Variants in CTCF observed in about 807,000 individuals in gnomAD.
CTCF encodes CCCTC-binding factor.
CTCF carries 7 observed loss-of-function variants against 72.3 expected under a neutral mutation model. The ratio of observed to expected loss-of-function variants is 0.10; its 90% CI spans 0.06 to 0.18. The LOEUF is 0.18. Among genes scored for constraint, CTCF ranks in the 10% least tolerant of loss-of-function variants. The probability of loss-of-function intolerance (pLI) is 1.00; values close to 1 mark genes in which losing one functional copy is unlikely to be tolerated. For synonymous variants in CTCF, 374 were observed against 315.8 expected, an observed-to-expected ratio of 1.18 and a Z score of -1.95; for missense variants, 516 against 949.1, an observed-to-expected ratio of 0.54 and a Z score of 6.00.
Position 67,628,295 on chromosome 16 carries a change from A to G in CTCF, c.1519-75A>G, listed in dbSNP as rs1182658806. ...CTTGGGTGAGAAATACCTGTTGGCC[A>G]CATGCATGCAGGTGGCAGCTGGGGC... On this transcript the variant is annotated intron_variant, in intron 8 of 11. Transcript: ENST00000264010. The G allele has an allele frequency of 2.9e-6, 4 of 1,392,586 alleles. No individual in the cohort carries two copies. The African/African-American group carries it at 4.3e-5, about 15-fold the overall frequency. 86.3% of individuals were successfully genotyped at this position (1,392,586 alleles called of 1,614,324 possible).
intron 4 of CTCF, chr16:67,612,453 G>C (rs1483726396): frequency 5.5e-6 from 1 of 182,476 alleles, no homozygotes; most frequent in African/African-American, 2.4e-5. Context: ...AGCTGGGTGT[G>C]GTGGTGGGCG....
rs749116676 is a variant in CTCF at position 67,628,510 on chromosome 16, G to C, written c.1659G>C (p.Ala553=). The change falls in exon 9 of 12, where the codon GCG becomes GCC. Residue 553 remains alanine, a synonymous_variant. Coordinates refer to ENST00000264010, the MANE Select transcript of CTCF (RefSeq NM_006565.4). ...ATCACGACCCCAACTTCGTCCCTGC[G>C]GCTTTTGTCTGTTCTAAGTGTGGGA... ...KRYHDPNFVP[A]AFVCSKCGKT... 1.2e-6 allele frequency: 2 copies of C among 1,614,100 alleles called. No individual in the cohort carries two copies. The highest frequency in any genetic ancestry group is 2.2e-5 in the South Asian group (2 of 91,092).
chr16:67,614,841 C>CG (rs1374321782), intron 4 of CTCF: 2 of 151,738 alleles, frequency 1.3e-5, no homozygotes, highest in East Asian at 2.0e-4. Flanking sequence ...GAGCAAAACT[C>CG]GGTCTCAAGA....
Position 67,612,025 on chromosome 16 carries a change from A to G in CTCF, c.856A>G (p.Lys286Glu). Residue 286 changes from lysine to glutamate, a missense_variant, in exon 4 of 12, where the codon AAA becomes GAA. By Grantham distance (56) the Lys-to-Glu change is moderately conservative. Coordinates refer to ENST00000264010, the MANE Select transcript of CTCF (RefSeq NM_006565.4). The part of the protein sequence containing the change: ...PRRSNLDRHM[K>E]SHTDERPHKC... ...GCGTTCAAATTTGGATCGTCACATG[A>G]AAAGCCACACTGATGAGAGACCACA... The G allele has an allele frequency of 6.2e-7, 1 of 1,614,164 alleles. No individual in the cohort carries two copies. The highest frequency in any genetic ancestry group is 2.2e-5 in the East Asian group (1 of 44,888).
chr16:67,564,987 T>C (rs924492847), intron 1 of CTCF, among the ~76,000 whole-genome samples: 5 of 152,120 alleles, frequency 3.3e-5, no homozygotes, highest in African/African-American at 7.2e-5. Flanking sequence ...TGAATTGATA[T>C]GTTAGGGTAA....
intron 6 of CTCF, 196 bp downstream of exon 6, chr16:67,621,013 G>A (rs543225056): frequency 2.2e-6 from 1 of 444,512 alleles, no homozygotes; most frequent in East Asian, 3.4e-5. Flanking sequence ...AGTACCTTTT[G>A]TTTTGTTCAA....
At chr16:67,633,781 G>GAC (rs10587869) in intron 10 of CTCF, among the ~76,000 whole-genome samples, 24,511 of 143,046 alleles carry the variant, frequency 0.17, 1,966 homozygotes, top group Middle Eastern at 0.3. Context: ...CTTGTCCCCT[G>GAC]ACACACACAC....
intron 2 of CTCF, among the ~76,000 whole-genome samples, chr16:67,603,364 C>G (rs142790048): frequency 0.033 from 4,983 of 151,864 alleles, 129 homozygotes; most frequent in South Asian, 0.06. Flanking sequence ...CCCGTCCCTA[C>G]TAAAAATACA....
At position 67,629,415 on chromosome 16, in the gene CTCF, T is replaced by C. The variant is rs2142869132; in HGVS notation, c.1719T>C (p.His573=). The part of the protein sequence containing the change: ...TFTRRNTMAR[H]ADNCAGPDGV... ...TTTGTTAGAATACCATGGCAAGACATGCTGATAATTGTGCTGGCCCAGATG... is the reference window on the plus strand; with the variant it reads ...TTTGTTAGAATACCATGGCAAGACACGCTGATAATTGTGCTGGCCCAGATG... The change falls in exon 10 of 12, where the codon CAT becomes CAC. Residue 573 remains histidine (H), a synonymous_variant. Transcript: ENST00000264010. 6.2e-7 allele frequency: 1 copy of C among 1,608,090 alleles called. No individual in the cohort carries two copies. Among genetic ancestry groups the C allele is most frequent in the Non-Finnish European group, 8.5e-7 (1 of 1,177,628 alleles).
At chr16:67,595,813 A>T (rs1394814149) in intron 2 of CTCF, among the ~76,000 whole-genome samples, 1 of 152,090 alleles carries the variant, frequency 6.6e-6, no homozygotes, top group Admixed American at 6.6e-5. Flanking sequence ...ATATAGAACA[A>T]ACATTTTCTC....
At chr16:67,624,887 C>T (rs1293255932) in intron 7 of CTCF, among the ~76,000 whole-genome samples, 2 of 152,052 alleles carry the variant, frequency 1.3e-5, no homozygotes, top group Non-Finnish European at 2.9e-5. Flanking sequence ...AGCCACCACA[C>T]CTGGCCCAAC....
intron 10 of CTCF, among the ~76,000 whole-genome samples, chr16:67,630,054 G>A (rs550555622): frequency 8.5e-4 from 129 of 151,948 alleles, no homozygotes; most frequent in African/African-American, 3.0e-3. Context: ...GGGATTACAG[G>A]TGTGAGCCAC....
At chr16:67,605,010 T>C (rs2051955730) in intron 2 of CTCF, among the ~76,000 whole-genome samples, 2 of 142,516 alleles carry the variant, frequency 1.4e-5, no homozygotes, top group South Asian at 4.7e-4. Context: ...TCTCGCTCTG[T>C]CTCCCAGGCT....
intron 2 of CTCF, among the ~76,000 whole-genome samples, chr16:67,576,140 T>TAA (rs561098313): frequency 0.021 from 1,921 of 91,822 alleles, 69 homozygotes; most frequent in African/African-American, 0.071. Flanking sequence ...GACCCTGTCT[T>TAA]AAAAAAAAAA....
chr16:67,575,774 C>G (rs1249492861), intron 2 of CTCF, among the ~76,000 whole-genome samples: 5 of 151,984 alleles, frequency 3.3e-5, no homozygotes, highest in African/African-American at 1.2e-4. Context: ...TTGCATTAAA[C>G]TGAACTTCGA....
chr16:67,584,130 G>A (rs571952074), intron 2 of CTCF, among the ~76,000 whole-genome samples: 50 of 151,796 alleles, frequency 3.3e-4, no homozygotes, highest in Non-Finnish European at 5.4e-4. Flanking sequence ...CCAGCACTTT[G>A]GAGGCCGAAG....
intron 9 of CTCF, 74 bp from the exon 10 acceptor site, chr16:67,629,324 A>T (rs1424932061): frequency 7.0e-7 from 1 of 1,431,368 alleles, no homozygotes; most frequent in Non-Finnish European, 9.5e-7. Flanking sequence ...TATGGATTTT[A>T]TTAAAGTAAA....
chr16:67,580,842 C>A (rs2051569945), intron 2 of CTCF, among the ~76,000 whole-genome samples: 1 of 150,326 alleles, frequency 6.7e-6, no homozygotes, highest in Non-Finnish European at 1.5e-5. Flanking sequence ...TCTAGAACTC[C>A]TGACCTCAGG....
At chr16:67,617,145 T>C (rs1046209747) in intron 5 of CTCF, among the ~76,000 whole-genome samples, 1 of 151,746 alleles carries the variant, frequency 6.6e-6, no homozygotes, top group African/African-American at 2.4e-5. Context: ...GCGGATCACC[T>C]GAGGTCGGGA....
Sources: allele counts gnomAD v4.1 joint callset (sites outside exome capture counted in the v4.1 genomes callset), GRCh38; gene constraint gnomAD v4.1.1; transcripts MANE v1.5; gene names NCBI Gene and HGNC (gene_info 2026-07-23, HGNC 2026-07-21).